PALLD: variants seen among roughly 807,000 people sequenced by gnomAD.
The protein encoded by PALLD is palladin.
A neutral mutation model predicts 123.5 loss-of-function variants in PALLD; 61 were observed. The observed-to-expected ratio is 0.49, with a 90% confidence interval of 0.40 to 0.61. The LOEUF is 0.61. Ranked by LOEUF, PALLD falls within the 20% of genes least tolerant of loss-of-function variation. The pLI is 0.00. For missense variants in PALLD, 1,273 were observed against 1,377.0 expected, an observed-to-expected ratio of 0.92 and a Z score of 1.20; for synonymous variants, 465 against 496.4, an observed-to-expected ratio of 0.94 and a Z score of 0.84.
intron 10 of PALLD, among the ~76,000 whole-genome samples, chr4:168,804,525 C>G (rs1173063521): frequency 6.6e-6 from 1 of 152,192 alleles, no homozygotes; most frequent in Non-Finnish European, 1.5e-5. Context: ...GTTTCTGGCT[C>G]ATGGTGATGA....
intron 10 of PALLD, among the ~76,000 whole-genome samples, chr4:168,860,269 A>C (rs933254382): frequency 6.6e-6 from 1 of 152,222 alleles, no homozygotes; most frequent in Non-Finnish European, 1.5e-5. Context: ...ATGGTGGAGA[A>C]GGATCTGTTG....
chr4:168,700,202 A>G (rs2150156106), intron 8 of PALLD: 1 of 154,958 alleles, frequency 6.5e-6, no homozygotes, highest in Non-Finnish European at 1.5e-5. Flanking sequence ...CTTTTCTTTG[A>G]GAAGAAAAGC....
chr4:168,540,509 C>T (rs1056112117), intron 2 of PALLD, among the ~76,000 whole-genome samples: 4 of 151,686 alleles, frequency 2.6e-5, no homozygotes, highest in African/African-American at 7.3e-5. Flanking sequence ...AGGGCCATGT[C>T]GAATGGTGAT....
At chr4:168,742,737 T>G (rs1046395466) in intron 10 of PALLD, among the ~76,000 whole-genome samples, 1 of 152,184 alleles carries the variant, frequency 6.6e-6, no homozygotes, top group Non-Finnish European at 1.5e-5. Context: ...TGTATTTGCA[T>G]CTAGTGGCAA....
At chr4:168,887,870 T>C (rs1755517609) in intron 10 of PALLD, among the ~76,000 whole-genome samples, 1 of 152,178 alleles carries the variant, frequency 6.6e-6, no homozygotes, top group African/African-American at 2.4e-5. Context: ...AGTACATCCA[T>C]TCACTCATTT....
At chr4:168,501,635 G>C (rs1367946941) in intron 1 of PALLD, among the ~76,000 whole-genome samples, 1 of 152,134 alleles carries the variant, frequency 6.6e-6, no homozygotes. Context: ...AAGATGAAGA[G>C]TTTGGCATTA....
At chr4:168,795,584 GAA>G (rs1561532930) in intron 10 of PALLD, among the ~76,000 whole-genome samples, 1 of 152,170 alleles carries the variant, frequency 6.6e-6, no homozygotes, top group Non-Finnish European at 1.5e-5. Context: ...ATCTTCCTGA[GAA>G]AAGTTCCTAT....
chr4:168,554,686 T>C (rs1171534881), intron 2 of PALLD, among the ~76,000 whole-genome samples: 2 of 152,242 alleles, frequency 1.3e-5, no homozygotes, highest in Non-Finnish European at 2.9e-5. Context: ...AAGTCTTTAA[T>C]GCTCCATATA....
intron 3 of PALLD, among the ~76,000 whole-genome samples, chr4:168,673,942 T>A (rs928884083): frequency 6.6e-6 from 1 of 151,664 alleles, no homozygotes; most frequent in Non-Finnish European, 1.5e-5. Flanking sequence ...GGAGATGGAG[T>A]CTCGCTCTGT....
At chr4:168,512,508 C>T in intron 2 of PALLD, 96 bp downstream of exon 2, 3 of 1,151,040 alleles carry the variant, frequency 2.6e-6, no homozygotes, top group Non-Finnish European at 3.8e-6. Context: ...CATTAGCCCT[C>T]TGGAGACTGA....
intron 10 of PALLD, chr4:168,832,270 C>A: frequency 2.4e-6 from 1 of 423,084 alleles, no homozygotes; most frequent in Non-Finnish European, 3.2e-6. Context: ...GTGCAGGGCT[C>A]GGGACAGGGT....
chr4:168,631,429 C>T (rs1775787662), intron 2 of PALLD, among the ~76,000 whole-genome samples: 1 of 152,224 alleles, frequency 6.6e-6, no homozygotes, highest in Admixed American at 6.5e-5. Context: ...TGCCTGTTAC[C>T]TTCTTACAAT....
chr4:168,549,252 A>G (rs983046045), intron 2 of PALLD, among the ~76,000 whole-genome samples: 1 of 127,078 alleles, frequency 7.9e-6, no homozygotes, highest in African/African-American at 2.8e-5. Context: ...ATTGATTGCA[A>G]TGTCACACTT....
At chr4:168,910,201 T>C (rs1758627727) in intron 15 of PALLD, among the ~76,000 whole-genome samples, 1 of 149,742 alleles carries the variant, frequency 6.7e-6, no homozygotes, top group Admixed American at 6.7e-5. Flanking sequence ...CTTTCCAGAG[T>C]AGTATGCCAA....
intron 2 of PALLD, among the ~76,000 whole-genome samples, chr4:168,566,256 A>G (rs1324147917): frequency 6.7e-6 from 1 of 148,436 alleles, no homozygotes; most frequent in Non-Finnish European, 1.5e-5. Context: ...TCAGTTTTTC[A>G]CAGGGAGACA....
At chr4:168,768,273 G>A (rs1255781065) in intron 10 of PALLD, among the ~76,000 whole-genome samples, 2 of 152,156 alleles carry the variant, frequency 1.3e-5, no homozygotes, top group Non-Finnish European at 2.9e-5. Flanking sequence ...GCAAACTTTA[G>A]TCTATTGTCC....
intron 18 of PALLD, among the ~76,000 whole-genome samples, chr4:168,922,021 G>T (rs1385054562): frequency 6.6e-6 from 1 of 151,488 alleles, no homozygotes; most frequent in African/African-American, 2.4e-5. Context: ...GTTACATAGA[G>T]AAATAGTAAC....
At chr4:168,625,238 T>C (rs957828316) in intron 2 of PALLD, among the ~76,000 whole-genome samples, 10 of 151,900 alleles carry the variant, frequency 6.6e-5, no homozygotes, top group African/African-American at 2.4e-4. Context: ...CAAGGAAATA[T>C]AATGTCCAGA....
At chr4:168,852,159 G>C (rs1341394054) in intron 10 of PALLD, among the ~76,000 whole-genome samples, 1 of 152,172 alleles carries the variant, frequency 6.6e-6, no homozygotes, top group African/African-American at 2.4e-5. Context: ...GACATGCAAG[G>C]CTGGCACAGA....
Sources: allele counts gnomAD v4.1 joint callset (sites outside exome capture counted in the v4.1 genomes callset), GRCh38; gene constraint gnomAD v4.1.1; transcripts MANE v1.5; gene names NCBI Gene and HGNC (gene_info 2026-07-23, HGNC 2026-07-21).